The following GPC6 variants were observed in gnomAD, a reference collection of about 807,000 sequenced individuals.
The protein encoded by GPC6 is glypican 6.
In GPC6, 14 loss-of-function variants were observed where a neutral mutation model predicts 55.2. The ratio of observed to expected loss-of-function variants is 0.25; its 90% CI spans 0.17 to 0.40. The LOEUF (loss-of-function observed/expected upper bound fraction) is 0.40, where lower values mean the gene tolerates loss of function less well. GPC6 is among the 10% of genes least tolerant of loss of function. The pLI, the probability that GPC6 is intolerant of heterozygous loss-of-function variation, is 1.00. For synonymous variants in GPC6, 278 were observed against 259.6 expected (o/e 1.07, Z -0.68); for missense variants, 641 against 708.5 (o/e 0.90, Z 1.08).
At chr13:93,471,358 C>CAAAAA (rs59410717) in intron 1 of GPC6, among the ~76,000 whole-genome samples, 5 of 123,134 alleles carry the variant, frequency 4.1e-5, no homozygotes, top group Non-Finnish European at 5.0e-5. Context: ...TCTAAAAATA[C>CAAAAA]AAAAAAAAAA....
At chr13:94,347,557 C>T (rs767180019) in intron 6 of GPC6, among the ~76,000 whole-genome samples, 1 of 152,060 alleles carries the variant, frequency 6.6e-6, no homozygotes, top group African/African-American at 2.4e-5. Context: ...GAAAATGAAT[C>T]CACTAGTATT....
intron 4 of GPC6, among the ~76,000 whole-genome samples, chr13:94,192,341 T>C (rs1188081636): frequency 6.6e-6 from 1 of 152,220 alleles, no homozygotes; most frequent in Non-Finnish European, 1.5e-5. Flanking sequence ...ACATTGGGGA[T>C]AAAGCCTCAG....
chr13:93,624,073 T>A (rs1405831919), intron 2 of GPC6, among the ~76,000 whole-genome samples: 1 of 152,092 alleles, frequency 6.6e-6, no homozygotes, highest in Non-Finnish European at 1.5e-5. Flanking sequence ...CATCCTCACA[T>A]GTATATTTGC....
chr13:93,394,156 T>C (rs910314944), intron 1 of GPC6, among the ~76,000 whole-genome samples: 2 of 152,318 alleles, frequency 1.3e-5, no homozygotes, highest in African/African-American at 4.8e-5. Flanking sequence ...TACCTGTGAT[T>C]TTATTTCACC....
At chr13:94,398,441 T>C (rs1594241523) in intron 7 of GPC6, 25 bp from the exon 8 acceptor site, 1 of 1,570,110 alleles carries the variant, frequency 6.4e-7, no homozygotes, top group Non-Finnish European at 8.8e-7. Context: ...CTCCCTGAGG[T>C]GTTCTCTCAC....
intron 3 of GPC6, among the ~76,000 whole-genome samples, chr13:93,924,489 G>GA (rs936373279): frequency 6.6e-6 from 1 of 151,972 alleles, no homozygotes; most frequent in African/African-American, 2.4e-5. Context: ...GATTTAGGGG[G>GA]AAAAAAAGCA....
intron 1 of GPC6, among the ~76,000 whole-genome samples, chr13:93,387,291 C>T (rs1875445782): frequency 6.6e-6 from 1 of 152,152 alleles, no homozygotes; most frequent in Admixed American, 6.5e-5. Flanking sequence ...GGCCCGCATG[C>T]ACCAGGTACC....
chr13:93,506,817 G>T (rs1233942041), intron 1 of GPC6, among the ~76,000 whole-genome samples: 1 of 146,952 alleles, frequency 6.8e-6, no homozygotes, highest in Non-Finnish European at 1.5e-5. Flanking sequence ...GAGGTGGGCG[G>T]ATCGCGATGT....
intron 1 of GPC6, among the ~76,000 whole-genome samples, chr13:93,326,001 G>T (rs1217379893): frequency 6.6e-6 from 1 of 152,102 alleles, no homozygotes; most frequent in Non-Finnish European, 1.5e-5. Context: ...CATAGTCGTG[G>T]TTTGTACCTT....
chr13:93,774,177 C>T (rs932973122), intron 2 of GPC6, among the ~76,000 whole-genome samples: 7 of 152,126 alleles, frequency 4.6e-5, no homozygotes, highest in African/African-American at 1.4e-4. Context: ...AGCCAGGTGT[C>T]GTTTTTCCTG....
intron 7 of GPC6, 72 bp downstream of exon 7, chr13:94,382,622 C>G: frequency 6.3e-7 from 1 of 1,585,374 alleles, no homozygotes; most frequent in East Asian, 2.2e-5. Flanking sequence ...CCTGGCACAA[C>G]TCTACAAACC....
intron 4 of GPC6, among the ~76,000 whole-genome samples, chr13:94,211,761 A>G (rs181522507): frequency 2.0e-5 from 3 of 152,364 alleles, no homozygotes; most frequent in African/African-American, 7.2e-5. Context: ...AGAATCGGTC[A>G]TTCTCATGGC....
intron 6 of GPC6, among the ~76,000 whole-genome samples, chr13:94,318,250 G>A (rs1415915935): frequency 1.3e-5 from 2 of 152,140 alleles, no homozygotes; most frequent in Admixed American, 6.5e-5. Context: ...CACTATGCGA[G>A]TAGACCTATT....
chr13:94,046,996 A>C (rs943611004), intron 4 of GPC6, among the ~76,000 whole-genome samples: 9 of 152,150 alleles, frequency 5.9e-5, no homozygotes, highest in African/African-American at 2.2e-4. Context: ...AAGAACTTTA[A>C]ATCTATAGTG....
In GPC6 at chr13:94,032,555, G is replaced by C. The variant is rs9589885; in HGVS notation, c.877+4661G>C. Among the ~76,000 whole-genome samples, 431 of 152,234 alleles carry C rather than the reference G, an allele frequency of 2.8e-3. 1 individual carries two copies. Among genetic ancestry groups the C allele is most frequent in the African/African-American group, 0.01 (419 of 41,552 alleles). On this transcript the variant is annotated intron_variant, in intron 4 of 8. Coordinates refer to ENST00000377047, the MANE Select transcript of GPC6 (RefSeq NM_005708.5). The stretch of plus-strand genomic sequence containing the variant: ...ATTTGTCAGTGGTTCTTAAATGCTC[G>C]TTTGTTTTATTTTTGACATTTTCTA...
At chr13:93,798,016 A>G (rs1375522678) in intron 2 of GPC6, among the ~76,000 whole-genome samples, 1 of 152,178 alleles carries the variant, frequency 6.6e-6, no homozygotes, top group African/African-American at 2.4e-5. Flanking sequence ...CAGTAGAATA[A>G]TGAATTGTAC....
At chr13:93,641,393 G>A (rs1431692535) in intron 2 of GPC6, among the ~76,000 whole-genome samples, 1 of 152,042 alleles carries the variant, frequency 6.6e-6, no homozygotes, top group Non-Finnish European at 1.5e-5. Context: ...CTGACTGCAG[G>A]GGTTTCACTT....
intron 4 of GPC6, among the ~76,000 whole-genome samples, chr13:94,183,334 C>T (rs1566512764): frequency 6.6e-6 from 1 of 152,154 alleles, no homozygotes; most frequent in Non-Finnish European, 1.5e-5. Context: ...ATGCTTCTTT[C>T]ACTTAGCAAA....
At chr13:93,928,802 G>A (rs1250624676) in intron 3 of GPC6, among the ~76,000 whole-genome samples, 1 of 151,054 alleles carries the variant, frequency 6.6e-6, no homozygotes, top group African/African-American at 2.4e-5. Flanking sequence ...TTCAAAGAGG[G>A]TTCTCTTCAT....
Sources: allele counts gnomAD v4.1 joint callset (sites outside exome capture counted in the v4.1 genomes callset), GRCh38; gene constraint gnomAD v4.1.1; transcripts MANE v1.5; gene names NCBI Gene and HGNC (gene_info 2026-07-23, HGNC 2026-07-21).